FHIT: variants seen among roughly 807,000 people sequenced by gnomAD.
The protein encoded by FHIT is fragile histidine triad diadenosine triphosphatase, also known as bis(5'-adenosyl)-triphosphatase.
FHIT carries 19 observed loss-of-function variants against 17.9 expected under a neutral mutation model. The observed-to-expected ratio is 1.06, with a 90% CI of 0.74 to 1.56. The LOEUF (loss-of-function observed/expected upper bound fraction) is 1.56, where lower values mean the gene tolerates loss of function less well. FHIT is among the 40% of genes most tolerant of loss of function. The pLI, the probability that FHIT is intolerant of heterozygous loss-of-function variation, is 0.00. For synonymous variants in FHIT, 81 were observed against 69.7 expected, an observed-to-expected ratio of 1.16 and a Z score of -0.81; for missense variants, 248 against 189.2, an observed-to-expected ratio of 1.31 and a Z score of -1.82.
At chr3:60,702,705 A>AT (rs1160314799) in intron 4 of FHIT, among the ~76,000 whole-genome samples, 2 of 152,072 alleles carry the variant, frequency 1.3e-5, no homozygotes, top group East Asian at 1.9e-4. Context: ...TCTTCGCTTA[A>AT]TTTTTTTGTT....
At chr3:60,691,626 A>G (rs1553699596) in intron 4 of FHIT, among the ~76,000 whole-genome samples, 1 of 152,162 alleles carries the variant, frequency 6.6e-6, no homozygotes. Flanking sequence ...ATTGTCTCCC[A>G]AAGTGCTGAG....
chr3:60,075,583 T>G (rs960788639), intron 5 of FHIT, among the ~76,000 whole-genome samples: 3 of 152,132 alleles, frequency 2.0e-5, no homozygotes, highest in Non-Finnish European at 4.4e-5. Flanking sequence ...TTCTGTTCCA[T>G]GCAACTTCTC....
rs185823000 is a variant in FHIT at position 61,087,913 on chromosome 3, G to C, written c.-163-45814C>G. Among the ~76,000 whole-genome samples the C allele has an allele frequency of 2.1e-3, 317 of 152,228 alleles. 5 individuals are homozygous for C. Among genetic ancestry groups the C allele is most frequent in the Non-Finnish European group, 1.9e-4 (13 of 67,986 alleles). On this transcript the variant is annotated intron_variant, in intron 2 of 9. Coordinates refer to ENST00000492590, the MANE Select transcript of FHIT (RefSeq NM_002012.4). ...CTACAGTATCTCACAAAATTGAAAG[G>C]AGAATGAAAACCCAAGCTTTGTGAA...
chr3:60,562,996 G>A (rs1036966506), intron 4 of FHIT, among the ~76,000 whole-genome samples: 9 of 152,236 alleles, frequency 5.9e-5, no homozygotes, highest in Middle Eastern at 3.4e-3. Context: ...AGAAATAAAC[G>A]CAAGCCATTT....
At chr3:60,200,855 T>C (rs1447518668) in intron 5 of FHIT, among the ~76,000 whole-genome samples, 2 of 152,082 alleles carry the variant, frequency 1.3e-5, no homozygotes, top group Non-Finnish European at 2.9e-5. Flanking sequence ...ACTGATTCAG[T>C]TTTATTTCCC....
At chr3:61,140,691 C>G (rs954772250) in intron 2 of FHIT, among the ~76,000 whole-genome samples, 1 of 152,086 alleles carries the variant, frequency 6.6e-6, no homozygotes. Context: ...TCTAGAAGAA[C>G]GTCCTACCTT....
chr3:60,146,524 C>G (rs1327187372), intron 5 of FHIT, among the ~76,000 whole-genome samples: 3 of 152,132 alleles, frequency 2.0e-5, no homozygotes, highest in Non-Finnish European at 4.4e-5. Context: ...TCAGAGGGCT[C>G]TAAATAGGTT....
intron 8 of FHIT, among the ~76,000 whole-genome samples, chr3:59,905,588 C>G (rs1445149326): frequency 2.6e-5 from 4 of 152,112 alleles, no homozygotes; most frequent in Non-Finnish European, 1.5e-5. Context: ...ACAATAAACT[C>G]AGATTTTAAA....
At chr3:60,299,181 G>A (rs922416693) in intron 5 of FHIT, among the ~76,000 whole-genome samples, 6 of 152,018 alleles carry the variant, frequency 3.9e-5, no homozygotes, top group African/African-American at 7.2e-5. Context: ...ACATTTAATC[G>A]TATTCTTTGA....
chr3:59,749,261 A>G lies in FHIT; in HGVS notation c.*324T>C. 4.3e-6 allele frequency: 1 copy of G among 231,076 alleles called. No homozygotes were observed. Among genetic ancestry groups the G allele is most frequent in the Non-Finnish European group, 8.6e-6 (1 of 116,730 alleles). The allele number at this position is 231,076 out of a possible 1,614,324, so 14.3% of individuals were successfully genotyped here. On this transcript the variant is annotated 3_prime_UTR_variant, in exon 10 of 10. Transcript: ENST00000492590. ...CTTTAAAAAAGTAACTGTAACTGTAATAGGTTTGTTGCCTAATTCATGGCA... is the reference window on the plus strand; with the variant it reads ...CTTTAAAAAAGTAACTGTAACTGTAGTAGGTTTGTTGCCTAATTCATGGCA...
At position 59,954,230 on chromosome 3, in the gene FHIT, TC is replaced by T. The variant is rs199981938; in HGVS notation, c.280-31817del. 9.0e-4 allele frequency among the ~76,000 whole-genome samples: 134 copies of T among 148,902 alleles called. 8 individuals are homozygous for T. The highest frequency in any genetic ancestry group is 6.7e-3 in the East Asian group (34 of 5,066). On this transcript the variant is annotated intron_variant, in intron 7 of 9. Coordinates refer to ENST00000492590, the MANE Select transcript of FHIT (RefSeq NM_002012.4). The stretch of plus-strand genomic sequence containing the variant: ...GAAGTTATTTTGTTCTGTTTTTTTT[TC>T]TTTTTTTTCCAAATGTGTGTTTGTA...
chr3:60,890,037 A>G (rs1445846440), intron 3 of FHIT, among the ~76,000 whole-genome samples: 1 of 152,184 alleles, frequency 6.6e-6, no homozygotes, highest in African/African-American at 2.4e-5. Flanking sequence ...CTGTGTCAAC[A>G]CATGCTTAAT....
At chr3:60,568,624 G>A (rs868375123) in intron 4 of FHIT, among the ~76,000 whole-genome samples, 5 of 150,906 alleles carry the variant, frequency 3.3e-5, no homozygotes, top group African/African-American at 1.2e-4. Flanking sequence ...TAAAAAAAAA[G>A]AAAAGAAAAC....
At chr3:59,989,129 C>A (rs978163953) in intron 7 of FHIT, among the ~76,000 whole-genome samples, 1 of 151,988 alleles carries the variant, frequency 6.6e-6, no homozygotes, top group Non-Finnish European at 1.5e-5. Flanking sequence ...AATAGATGAA[C>A]AGTGATTTTA....
intron 5 of FHIT, among the ~76,000 whole-genome samples, chr3:60,229,314 G>C (rs1475640443): frequency 6.6e-6 from 1 of 152,036 alleles, no homozygotes; most frequent in Non-Finnish European, 1.5e-5. Context: ...CTACTTGGGA[G>C]GCTGAGGCAG....
Position 60,229,492 on chromosome 3 carries a change from G to A in FHIT, c.104-215340C>T, listed in dbSNP as rs370605693. Among the ~76,000 whole-genome samples, 16 of 151,994 alleles carry A rather than the reference G, an allele frequency of 1.1e-4. No individual in the cohort carries two copies. The East Asian group carries it at 2.9e-3, about 27-fold the overall frequency. ...GAAAGCAAGCCATTACCCAAGATGG[G>A]AGAAGAACAACAGTGCCCAGGGATT... On this transcript the variant is annotated intron_variant, in intron 5 of 9. Transcript: ENST00000492590.
At chr3:60,587,766 C>G (rs1322151533) in intron 4 of FHIT, among the ~76,000 whole-genome samples, 1 of 151,974 alleles carries the variant, frequency 6.6e-6, no homozygotes, top group Non-Finnish European at 1.5e-5. Context: ...AGGCACTATG[C>G]TAGGCTGTAT....
At chr3:61,065,315 G>A (rs1311953735) in intron 2 of FHIT, among the ~76,000 whole-genome samples, 1 of 151,262 alleles carries the variant, frequency 6.6e-6, no homozygotes, top group Admixed American at 6.6e-5. Flanking sequence ...AGGCTAAGAT[G>A]TGCTCATCAT....
intron 8 of FHIT, among the ~76,000 whole-genome samples, chr3:59,810,641 G>A (rs1245306401): frequency 6.6e-6 from 1 of 152,164 alleles, no homozygotes; most frequent in Non-Finnish European, 1.5e-5. Context: ...TTAATTTATA[G>A]CATATTCATC....
Sources: gnomAD v4.1 joint callset for allele counts (sites outside exome capture counted in the v4.1 genomes callset) on GRCh38, gnomAD v4.1.1 for gene constraint, MANE v1.5 for transcripts, NCBI Gene and HGNC (gene_info 2026-07-23, HGNC 2026-07-21) for gene names.